Variants in CD163L1 observed in about 807,000 individuals in gnomAD.
The protein encoded by CD163L1 is scavenger receptor cysteine-rich type 1 protein M160.
CD163L1 carries 124 observed loss-of-function variants against 165.4 expected under a neutral mutation model. That is an observed-to-expected ratio of 0.75 (90% CI 0.65 to 0.87). The LOEUF is 0.87. Among genes scored for constraint, CD163L1 ranks in the 40% least tolerant of loss-of-function variants. The pLI is 0.00. For missense variants in CD163L1, 1,525 were observed against 1,799.9 expected, an observed-to-expected ratio of 0.85 and a Z score of 2.76; for synonymous variants, 585 against 662.2, an observed-to-expected ratio of 0.88 and a Z score of 1.79.
chr12:7,329,999 T>C, the CD163L1 span, among the ~76,000 whole-genome samples: 1 of 152,334 alleles, frequency 6.6e-6, no homozygotes, highest in African/African-American at 2.4e-5. Context: ...TTTGGTCTTA[T>C]ACTATCAAAA....
intron 8 of CD163L1, among the ~76,000 whole-genome samples, chr12:7,380,583 G>A (rs959998323): frequency 2.6e-5 from 4 of 151,960 alleles, no homozygotes; most frequent in South Asian, 4.2e-4. Flanking sequence ...AAGCTATGAC[G>A]ATGCAAAGAC....
At chr12:7,326,072 A>G in the CD163L1 span, among the ~76,000 whole-genome samples, 1 of 152,352 alleles carries the variant, frequency 6.6e-6, no homozygotes, top group South Asian at 2.1e-4. Flanking sequence ...TAAATAATAT[A>G]AATTATGCTT....
chr12:7,392,049 G>T (rs967858498), intron 8 of CD163L1, among the ~76,000 whole-genome samples: 3 of 152,136 alleles, frequency 2.0e-5, no homozygotes, highest in African/African-American at 7.2e-5. Context: ...TCCAGGACTT[G>T]AACTCAACTC....
intron 4 of CD163L1, among the ~76,000 whole-genome samples, chr12:7,410,595 G>A (rs1435414659): frequency 3.1e-5 from 4 of 128,080 alleles, no homozygotes; most frequent in African/African-American, 1.3e-4. Context: ...CAGAGCGAGA[G>A]TCCATATCCA....
intron 8 of CD163L1, among the ~76,000 whole-genome samples, chr12:7,380,626 G>A (rs1166383527): frequency 6.6e-6 from 1 of 152,148 alleles, no homozygotes; most frequent in Non-Finnish European, 1.5e-5. Context: ...TGAGGACTCA[G>A]GGGAAAGGGT....
rs754897649 is a variant in CD163L1 at position 7,406,877 on chromosome 12, G to A, written c.767-25C>T. 18 of 1,598,982 alleles carry A rather than the reference G, an allele frequency of 1.1e-5. No individual in the cohort carries two copies. In the East Asian group the frequency reaches 3.3e-4, roughly 30 times the overall value. ...TCTGAAACAGAGATATAAACACAAA[G>A]CCCAGGTGAAGTTTTGATCAGAAAC... On this transcript the variant is annotated intron_variant, in intron 4 of 19. Transcript: ENST00000313599.
chr12:7,406,504 G>T, intron 5 of CD163L1, 28 bp downstream of exon 5: 1 of 1,596,314 alleles, frequency 6.3e-7, no homozygotes, highest in South Asian at 1.1e-5. Context: ...AATTTTATCT[G>T]ATGTAATCAT....
At chr12:7,434,006 C>T (rs375822853) in intron 2 of CD163L1, among the ~76,000 whole-genome samples, 2 of 152,212 alleles carry the variant, frequency 1.3e-5, no homozygotes, top group South Asian at 2.1e-4. Context: ...CTGTTGTGCA[C>T]GCAGAATGAA....
At chr12:7,440,919 G>T (rs1305464739) in intron 2 of CD163L1, among the ~76,000 whole-genome samples, 1 of 152,176 alleles carries the variant, frequency 6.6e-6, no homozygotes, top group Non-Finnish European at 1.5e-5. Flanking sequence ...GAGCCACTGT[G>T]CCCGGCCGGA....
chr12:7,379,620 C>T (rs1443233887), intron 8 of CD163L1, among the ~76,000 whole-genome samples: 1 of 152,096 alleles, frequency 6.6e-6, no homozygotes, highest in African/African-American at 2.4e-5. Flanking sequence ...CTTAATGGCC[C>T]TAATTCTTGC....
chr12:7,343,168 G>C (rs1383627266), downstream of CD163L1, among the ~76,000 whole-genome samples: 2 of 152,170 alleles, frequency 1.3e-5, no homozygotes, highest in Non-Finnish European at 2.9e-5. Flanking sequence ...ATCTGAACTG[G>C]AGTTATGGAA....
intron 8 of CD163L1, among the ~76,000 whole-genome samples, chr12:7,393,042 A>C (rs1409609696): frequency 6.6e-6 from 1 of 152,204 alleles, no homozygotes; most frequent in Non-Finnish European, 1.5e-5. Flanking sequence ...AATCAACAGA[A>C]AAAAAAGGAA....
Position 7,374,460 on chromosome 12 carries a change from C to A in CD163L1, c.3391G>T (p.Ala1131Ser), listed in dbSNP as rs759519202. 1.2e-6 allele frequency: 2 copies of A among 1,612,608 alleles called. No homozygotes were observed. The highest frequency in any genetic ancestry group is 1.7e-6 in the Non-Finnish European group (2 of 1,179,310). ...GQHDCRHKED[A>S]GVICSEFTAL... ...CACAGACCTGAGCAGATGACCCCTG[C>A]GTCCTCCTTGTGCCTGCAGTCGTGC... The change falls in exon 13 of 20, where the codon GCA becomes TCA. Residue 1131 changes from alanine (A) to serine (S), a missense_variant. Physicochemically the swap from Ala to Ser is moderately conservative, Grantham distance 99 (BLOSUM62 1). Transcript: ENST00000313599. The surrounding 1 kb of genome is among the most constrained non-coding windows in gnomAD (Gnocchi z 5.4).
rs185440630 is a variant in CD163L1 at position 7,424,315 on chromosome 12, T to A, written c.766+8101A>T. ...AAAAAAAAAAAAACTCTCAATAAACTAGGTATTGATGGAAGACATCTCAAA... is the reference window on the plus strand; with the variant it reads ...AAAAAAAAAAAAACTCTCAATAAACAAGGTATTGATGGAAGACATCTCAAA... On this transcript the variant is annotated intron_variant, in intron 4 of 19. Transcript: ENST00000313599. 1.7e-3 allele frequency among the ~76,000 whole-genome samples: 259 copies of A among 149,574 alleles called. 2 individuals are homozygous for A. Among genetic ancestry groups the A allele is most frequent in the Middle Eastern group, 7.1e-3 (2 of 282 alleles).
chr12:7,426,309 G>C (rs1250825871), intron 4 of CD163L1, among the ~76,000 whole-genome samples: 1 of 152,068 alleles, frequency 6.6e-6, no homozygotes, highest in African/African-American at 2.4e-5. Flanking sequence ...GGGGCAAGGG[G>C]AGGGAGAGCA....
chr12:7,327,184 T>G, the CD163L1 span: 2 of 1,386,542 alleles, frequency 1.4e-6, no homozygotes, highest in African/African-American at 2.9e-5. Context: ...GATTTTATAG[T>G]AGCTCATTAT....
the CD163L1 span, among the ~76,000 whole-genome samples, chr12:7,333,974 G>C: frequency 6.6e-6 from 1 of 152,024 alleles, no homozygotes; most frequent in South Asian, 2.1e-4. Context: ...CCAATAACAG[G>C]CTCTGAAATT....
the CD163L1 span, chr12:7,323,320 T>C: frequency 6.2e-7 from 1 of 1,609,372 alleles, no homozygotes; most frequent in South Asian, 1.1e-5. Flanking sequence ...TCCAGGTAGG[T>C]TGAGAAAATA....
chr12:7,406,712 A>G lies in CD163L1; in HGVS notation c.907T>C (p.Leu303=), dbSNP rs776228931. ...NAAADVVCKQ[L]GCGTALHFAG... ...AAGTGAAGTGCGGTTCCACATCCCAACTGCTTGCATACGACATCAGCTGCA... is the reference window on the plus strand; with the variant it reads ...AAGTGAAGTGCGGTTCCACATCCCAGCTGCTTGCATACGACATCAGCTGCA... The change falls in exon 5 of 20, where the codon TTG becomes CTG. Residue 303 remains leucine, a synonymous_variant. Coordinates refer to ENST00000313599, the MANE Select transcript of CD163L1 (RefSeq NM_174941.6). The G allele has an allele frequency of 3.1e-6, 5 of 1,614,018 alleles. No homozygotes were observed. The highest frequency in any genetic ancestry group is 3.4e-6 in the Non-Finnish European group (4 of 1,179,970).
Sources: allele counts gnomAD v4.1 joint callset (sites outside exome capture counted in the v4.1 genomes callset), GRCh38; gene constraint gnomAD v4.1.1; non-coding constraint Gnocchi (gnomAD v3.1); transcripts MANE v1.5; gene names NCBI Gene and HGNC (gene_info 2026-07-23, HGNC 2026-07-21).